Variants in RIMBP2 observed in about 807,000 individuals in gnomAD.
The protein encoded by RIMBP2 is RIMS binding protein 2, also known as RIMS-binding protein 2.
Under a neutral mutation model 118.6 loss-of-function variants are expected in RIMBP2, and 48 were observed. The observed-to-expected ratio is 0.40, with a 90% CI of 0.32 to 0.51. The LOEUF (loss-of-function observed/expected upper bound fraction) is 0.51, where lower values mean the gene tolerates loss of function less well. Ranked by LOEUF, RIMBP2 falls within the 20% of genes least tolerant of loss-of-function variation. The probability of loss-of-function intolerance (pLI) is 0.41; values close to 1 mark genes in which losing one functional copy is unlikely to be tolerated. For missense variants in RIMBP2, 1,551 were observed against 1,768.3 expected, an observed-to-expected ratio of 0.88 and a Z score of 2.20; for synonymous variants, 762 against 742.9, an observed-to-expected ratio of 1.03 and a Z score of -0.42.
chr12:130,711,793 C>G (rs899254668), intron 1 of RIMBP2, among the ~76,000 whole-genome samples: 5 of 152,200 alleles, frequency 3.3e-5, no homozygotes, highest in African/African-American at 1.2e-4. Context: ...AACAAGGATG[C>G]GTTCGGAGAA....
rs2058725259 is a variant in RIMBP2, at chr12:130,584,460, A to G, written c.-217+43862T>C. ...TCACCACCATCACCTCATCACCACC[A>G]CCACCATCACCTCATTGCCATCACC... On this transcript the variant is annotated intron_variant, in intron 2 of 22. Transcript: ENST00000690449. Among the ~76,000 whole-genome samples the G allele has an allele frequency of 1.4e-5, 2 of 147,200 alleles. 1 individual carries two copies. Among genetic ancestry groups the G allele is most frequent in the African/African-American group, 5.1e-5 (2 of 39,284 alleles).
At chr12:130,705,917 C>T (rs895820379) in intron 1 of RIMBP2, among the ~76,000 whole-genome samples, 14 of 152,330 alleles carry the variant, frequency 9.2e-5, no homozygotes, top group African/African-American at 1.9e-4. Context: ...CTACCGTGAC[C>T]GGCTCACTTC....
At chr12:130,695,253 A>G (rs1226085635) in intron 1 of RIMBP2, among the ~76,000 whole-genome samples, 1 of 151,818 alleles carries the variant, frequency 6.6e-6, no homozygotes, top group Non-Finnish European at 1.5e-5. Flanking sequence ...GTTCCTGTTC[A>G]CTCTGTTAGC....
intron 2 of RIMBP2, among the ~76,000 whole-genome samples, chr12:130,571,354 C>T (rs2057632134): frequency 6.6e-6 from 1 of 151,862 alleles, no homozygotes; most frequent in South Asian, 2.1e-4. Context: ...GGTTTTTGAC[C>T]ACGTGTTCGC....
At chr12:130,674,834 G>A (rs1056717023) in intron 1 of RIMBP2, among the ~76,000 whole-genome samples, 1 of 152,098 alleles carries the variant, frequency 6.6e-6, no homozygotes, top group Non-Finnish European at 1.5e-5. Flanking sequence ...GCCTGCTCGG[G>A]ACGGGTCGTA....
chr12:130,614,295 GTGAT>G (rs2060763674), intron 2 of RIMBP2, among the ~76,000 whole-genome samples: 1 of 152,212 alleles, frequency 6.6e-6, no homozygotes, highest in African/African-American at 2.4e-5. Flanking sequence ...CGAAAACCAT[GTGAT>G]TAATTACCAA....
At chr12:130,558,920 T>C (rs1353176824) in intron 2 of RIMBP2, among the ~76,000 whole-genome samples, 1 of 152,234 alleles carries the variant, frequency 6.6e-6, no homozygotes, top group Non-Finnish European at 1.5e-5. Flanking sequence ...ATTGAAATTG[T>C]CAAGTAGGTT....
chr12:130,523,821 G>T lies in RIMBP2; in HGVS notation c.-216-5904C>A, dbSNP rs952670575. Among the ~76,000 whole-genome samples, 7 of 152,168 alleles carry T rather than the reference G, an allele frequency of 4.6e-5. No homozygotes were observed. Among genetic ancestry groups the T allele is most frequent in the African/African-American group, 7.2e-5 (3 of 41,446 alleles). On this transcript the variant is annotated intron_variant, in intron 2 of 22. Coordinates refer to ENST00000690449, the MANE Select transcript of RIMBP2 (RefSeq NM_001393629.1). The surrounding 1 kb of genome is among the most constrained non-coding windows in gnomAD (Gnocchi z 4.4). ...CATTCTGGGTTGAGATGTCAGGAACGCCAGTTGCTATGGGGAGAGGTGAGA... is the reference window on the plus strand; with the variant it reads ...CATTCTGGGTTGAGATGTCAGGAACTCCAGTTGCTATGGGGAGAGGTGAGA...
At chr12:130,600,425 G>C (rs915476392) in intron 2 of RIMBP2, among the ~76,000 whole-genome samples, 1 of 140,568 alleles carries the variant, frequency 7.1e-6, no homozygotes, top group South Asian at 2.4e-4. Flanking sequence ...GAACCTCCCC[G>C]CTGGCCAGAA....
chr12:130,442,598 T>C lies in RIMBP2; in HGVS notation c.754A>G (p.Asn252Asp). 6.2e-7 allele frequency: 1 copy of C among 1,614,186 alleles called. No homozygotes were observed. Among genetic ancestry groups the C allele is most frequent in the Non-Finnish European group, 8.5e-7 (1 of 1,180,014 alleles). Reference protein sequence around the residue: ...PSNFVDFVQDNESRLASTLGN... With the variant: ...PSNFVDFVQDDESRLASTLGN... ...AGCGTGCTTGCCAACCGCGACTCGT[T>C]GTCCTGCACAAAGTCCACGAAGTTG... Residue 252 changes from asparagine to aspartate, a missense_variant, in exon 11 of 23, where the codon AAC becomes GAC. Physicochemically the swap from Asn to Asp is conservative, Grantham distance 23. Transcript: ENST00000690449. The surrounding 1 kb of genome is among the most constrained non-coding windows in gnomAD (Gnocchi z 6.9).
At position 130,664,439 on chromosome 12, in the gene RIMBP2, GCA is replaced by G. The variant is rs1156467969; in HGVS notation, c.-351-35985_-351-35984del. 4.2e-3 allele frequency among the ~76,000 whole-genome samples: 512 copies of G among 122,992 alleles called. 9 individuals carry two copies. The highest frequency in any genetic ancestry group is 7.3e-3 in the South Asian group (26 of 3,556). 80.7% of individuals were successfully genotyped at this position (122,992 alleles called of 152,430 possible). On this transcript the variant is annotated intron_variant, in intron 1 of 22. Coordinates refer to ENST00000690449, the MANE Select transcript of RIMBP2 (RefSeq NM_001393629.1). ...CACACACGCACACACATGCATGCACGCACACACGCACACACATGCACGCACAC... is the reference window on the plus strand; with the variant it reads ...CACACACGCACACACATGCATGCACGCACACGCACACACATGCACGCACAC...
Position 130,438,395 on chromosome 12 carries a change from G to A in RIMBP2, c.1626C>T (p.Thr542=), listed in dbSNP as rs763933455. ...PTGLSNGANV[T]GYGVYAKGQR... ...GCCCTTTGGCATACACGCCGTAGCCGGTAACGTTTGCGCCATTGGACAGCC... is the reference window on the plus strand; with the variant it reads ...GCCCTTTGGCATACACGCCGTAGCCAGTAACGTTTGCGCCATTGGACAGCC... The change falls in exon 12 of 23, where the codon ACC becomes ACT. Residue 542 remains threonine, a synonymous_variant. Coordinates refer to ENST00000690449, the MANE Select transcript of RIMBP2 (RefSeq NM_001393629.1). The A allele has an allele frequency of 2.4e-5, 35 of 1,440,050 alleles. No individual in the cohort carries two copies. In the Admixed American group the frequency reaches 2.8e-4, roughly 11 times the overall value. The allele number at this position is 1,440,050 out of a possible 1,614,324, so 89.2% of individuals were successfully genotyped here.
chr12:130,572,201 C>T (rs2057725830), intron 2 of RIMBP2, among the ~76,000 whole-genome samples: 1 of 152,300 alleles, frequency 6.6e-6, no homozygotes, highest in East Asian at 1.9e-4. Context: ...ACAAAGCGGC[C>T]GGAAAACCCA....
intron 6 of RIMBP2, among the ~76,000 whole-genome samples, chr12:130,463,761 T>C (rs544734436): frequency 1.8e-4 from 28 of 152,062 alleles, no homozygotes; most frequent in Middle Eastern, 3.4e-3. Flanking sequence ...TGAGACCTAC[T>C]GGGCTGCGTT....
Position 130,416,114 on chromosome 12 carries a change from C to T in RIMBP2, c.3239-1808G>A, listed in dbSNP as rs1390963958. 2.6e-5 allele frequency among the ~76,000 whole-genome samples: 4 copies of T among 152,192 alleles called. No homozygotes were observed. The East Asian group carries it at 7.7e-4, about 29-fold the overall frequency. On this transcript the variant is annotated intron_variant, in intron 17 of 22. Transcript: ENST00000690449. ...CATGAATGCTAAAATATTCCATGCT[C>T]ATGGGTTAGAATATCATTAAAGTAG...
intron 1 of RIMBP2, among the ~76,000 whole-genome samples, chr12:130,632,936 C>A (rs544348405): frequency 6.6e-6 from 1 of 152,298 alleles, no homozygotes; most frequent in South Asian, 2.1e-4. Context: ...CATAAAACAC[C>A]GGCCACCTGC....
intron 1 of RIMBP2, among the ~76,000 whole-genome samples, chr12:130,664,968 C>T (rs1479866849): frequency 3.3e-5 from 5 of 151,604 alleles, no homozygotes; most frequent in East Asian, 1.9e-4. Context: ...ACCGGAACAG[C>T]GAGCTGTCTG....
In RIMBP2 at chr12:130,618,697, G is replaced by T. The variant is rs115915837; in HGVS notation, c.-217+9625C>A. ...GTGATTCAGGCAAAATGCCTTCCAT[G>T]GAAAGTGCCTAGACGGAAACATCTT... On this transcript the variant is annotated intron_variant, in intron 2 of 22. Coordinates refer to ENST00000690449, the MANE Select transcript of RIMBP2 (RefSeq NM_001393629.1). 4.3e-3 allele frequency among the ~76,000 whole-genome samples: 660 copies of T among 152,280 alleles called. 5 individuals are homozygous for T. The highest frequency in any genetic ancestry group is 0.015 in the African/African-American group (635 of 41,542).
chr12:130,697,175 G>A lies in RIMBP2; in HGVS notation c.-352+19047C>T, dbSNP rs187561093. Among the ~76,000 whole-genome samples, 216 of 152,302 alleles carry A rather than the reference G, an allele frequency of 1.4e-3. 1 individual carries two copies. The highest frequency in any genetic ancestry group is 7.2e-4 in the Non-Finnish European group (49 of 68,032). On this transcript the variant is annotated intron_variant, in intron 1 of 22. Transcript: ENST00000690449. ...TACCTCAGGAGACACAATACCGGAC[G>A]AAAGCCATCCTGAACTAAGACCACA...
Sources: allele counts gnomAD v4.1 joint callset (sites outside exome capture counted in the v4.1 genomes callset), GRCh38; gene constraint gnomAD v4.1.1; non-coding constraint Gnocchi (gnomAD v3.1); transcripts MANE v1.5; gene names NCBI Gene and HGNC (gene_info 2026-07-23, HGNC 2026-07-21).